CDC42BPA: variants seen among roughly 807,000 people sequenced by gnomAD.
The protein encoded by CDC42BPA is CDC42 binding protein kinase alpha, also known as serine/threonine-protein kinase MRCK alpha.
A neutral mutation model predicts 223.5 loss-of-function variants in CDC42BPA; 80 were observed. The observed-to-expected ratio is 0.36, with a 90% confidence interval of 0.30 to 0.43. The LOEUF (loss-of-function observed/expected upper bound fraction) is 0.43, where lower values mean the gene tolerates loss of function less well. Among genes scored for constraint, CDC42BPA ranks in the 20% least tolerant of loss-of-function variants. CDC42BPA has a pLI of 1.00. For synonymous variants in CDC42BPA, 694 were observed against 718.6 expected (o/e 0.97, Z 0.55); for missense variants, 1,743 against 2,099.9 (o/e 0.83, Z 3.32).
At chr1:227,122,380 CA>C (rs1189538494) in intron 11 of CDC42BPA, among the ~76,000 whole-genome samples, 2 of 152,046 alleles carry the variant, frequency 1.3e-5, no homozygotes, top group African/African-American at 2.4e-5. Context: ...CTCTGAGAAA[CA>C]AAAAATTCAG....
chr1:227,102,010 T>C (rs1177485194), intron 14 of CDC42BPA, among the ~76,000 whole-genome samples: 1 of 152,186 alleles, frequency 6.6e-6, no homozygotes, highest in Non-Finnish European at 1.5e-5. Flanking sequence ...CCAAAGGTCA[T>C]TAATTTGTTA....
chr1:227,118,003 C>T (rs902892687), intron 12 of CDC42BPA, among the ~76,000 whole-genome samples: 1 of 152,010 alleles, frequency 6.6e-6, no homozygotes, highest in Non-Finnish European at 1.5e-5. Context: ...CGACAATAGA[C>T]CCATGTGAAG....
intron 15 of CDC42BPA, among the ~76,000 whole-genome samples, chr1:227,096,946 G>A (rs1684113988): frequency 6.6e-6 from 1 of 151,984 alleles, no homozygotes; most frequent in African/African-American, 2.4e-5. Flanking sequence ...AACTCAACAA[G>A]AGAGCTCAAC....
chr1:227,138,378 A>G (rs1659031654), intron 10 of CDC42BPA, among the ~76,000 whole-genome samples: 1 of 152,004 alleles, frequency 6.6e-6, no homozygotes, highest in Admixed American at 6.6e-5. Context: ...CCTTCACTGA[A>G]GGCCTCATTC....
chr1:227,180,009 C>A (rs977279204), intron 5 of CDC42BPA, among the ~76,000 whole-genome samples: 7 of 152,078 alleles, frequency 4.6e-5, no homozygotes, highest in Non-Finnish European at 7.4e-5. Context: ...GAGTTCAAGA[C>A]CAGCCTGGCC....
intron 3 of CDC42BPA, among the ~76,000 whole-genome samples, chr1:227,200,153 G>A (rs4338327): frequency 0.67 from 102,167 of 151,986 alleles, 34,645 homozygotes; most frequent in South Asian, 0.74. Flanking sequence ...TTCATGGGCC[G>A]GGCGCAGTGG....
intron 21 of CDC42BPA, among the ~76,000 whole-genome samples, chr1:227,056,396 T>TC (rs1366290418): frequency 2.6e-5 from 4 of 151,720 alleles, no homozygotes; most frequent in Non-Finnish European, 5.9e-5. Context: ...TCTTTTCTTT[T>TC]TTTTTTTTGA....
At chr1:227,264,959 T>C (rs1297467171) in intron 1 of CDC42BPA, 3 of 1,000,466 alleles carry the variant, frequency 3.0e-6, no homozygotes, top group Non-Finnish European at 4.8e-6. Context: ...TTCCTCTTCT[T>C]GTATAACCTC....
intron 5 of CDC42BPA, among the ~76,000 whole-genome samples, chr1:227,168,352 A>G (rs1272066943): frequency 6.6e-6 from 1 of 152,064 alleles, no homozygotes; most frequent in Non-Finnish European, 1.5e-5. Flanking sequence ...ATGAGAATTC[A>G]TCTCTTAATG....
In CDC42BPA at chr1:227,318,105, C is replaced by G. The variant is rs977758974; in HGVS notation, c.-923G>C. On this transcript the variant is annotated 5_prime_UTR_variant, in exon 1 of 37. Coordinates refer to ENST00000366766, the MANE Select transcript of CDC42BPA (RefSeq NM_001394014.1). ...GCGCCGGGCAGAGAGCCCGGTCTCC[C>G]CGACACCCGCACCGGGCCGCCGCGC... 1 of 90,924 alleles carries G rather than the reference C, an allele frequency of 1.1e-5. No individual in the cohort carries two copies. Among genetic ancestry groups the G allele is most frequent in the Non-Finnish European group, 1.7e-5 (1 of 58,788 alleles). The allele number at this position is 90,924 out of a possible 1,614,324, so 5.6% of individuals were successfully genotyped here.
chr1:227,169,754 A>G (rs975899421), intron 5 of CDC42BPA, among the ~76,000 whole-genome samples: 1 of 152,048 alleles, frequency 6.6e-6, no homozygotes, highest in Non-Finnish European at 1.5e-5. Flanking sequence ...TGTATTCCCA[A>G]TCAGGTTCTC....
At chr1:227,086,723 G>A (rs1455994062) in intron 16 of CDC42BPA, among the ~76,000 whole-genome samples, 2 of 149,732 alleles carry the variant, frequency 1.3e-5, no homozygotes, top group Non-Finnish European at 3.0e-5. Flanking sequence ...ACTCTGGGTA[G>A]TGGTGTCATC....
chr1:227,136,204 G>A (rs1658539119), intron 10 of CDC42BPA, among the ~76,000 whole-genome samples: 1 of 152,108 alleles, frequency 6.6e-6, no homozygotes, highest in Admixed American at 6.5e-5. Flanking sequence ...GAAACTGAGA[G>A]AATCAAATGA....
At chr1:227,213,929 C>T (rs190819852) in intron 2 of CDC42BPA, among the ~76,000 whole-genome samples, 1 of 152,238 alleles carries the variant, frequency 6.6e-6, no homozygotes, top group Non-Finnish European at 1.5e-5. Context: ...CCCTTTCTCA[C>T]TCTCAACAAA....
chr1:227,160,889 C>T (rs1050354513), intron 5 of CDC42BPA, among the ~76,000 whole-genome samples: 7 of 152,164 alleles, frequency 4.6e-5, no homozygotes, highest in African/African-American at 7.2e-5. Flanking sequence ...ATTAATCTTA[C>T]TATCTTTCCT....
In CDC42BPA at chr1:227,095,990, C is replaced by T. The variant is rs367579187; in HGVS notation, c.2250-3999G>A. ...TAGGATGTTAGCAATAAATGAAATTCCATGTGGATCAGTTCTGGGTAATTT... is the reference window on the plus strand; with the variant it reads ...TAGGATGTTAGCAATAAATGAAATTTCATGTGGATCAGTTCTGGGTAATTT... On this transcript the variant is annotated intron_variant, in intron 15 of 36. Coordinates refer to ENST00000366766, the MANE Select transcript of CDC42BPA (RefSeq NM_001394014.1). Among the ~76,000 whole-genome samples the T allele has an allele frequency of 5.9e-5, 9 of 152,188 alleles. No individual in the cohort carries two copies. The South Asian group carries it at 1.2e-3, about 21-fold the overall frequency.
chr1:227,191,688 T>G (rs1207285122), intron 5 of CDC42BPA, among the ~76,000 whole-genome samples: 1 of 79,346 alleles, frequency 1.3e-5, no homozygotes, highest in Non-Finnish European at 3.0e-5. Context: ...TCTTCAAATA[T>G]TCAACGAAAT....
At chr1:227,208,161 C>T (rs1673160140) in intron 3 of CDC42BPA, among the ~76,000 whole-genome samples, 1 of 147,536 alleles carries the variant, frequency 6.8e-6, no homozygotes, top group East Asian at 2.0e-4. Flanking sequence ...GCATAAATGT[C>T]TTCTTTTGAG....
intron 2 of CDC42BPA, among the ~76,000 whole-genome samples, chr1:227,217,678 T>C (rs1254290444): frequency 6.6e-6 from 1 of 152,100 alleles, no homozygotes; most frequent in Non-Finnish European, 1.5e-5. Context: ...AGGGCCAACA[T>C]GTTCTGGCCC....
Sources: allele counts gnomAD v4.1 joint callset (sites outside exome capture counted in the v4.1 genomes callset), GRCh38; gene constraint gnomAD v4.1.1; transcripts MANE v1.5; gene names NCBI Gene and HGNC (gene_info 2026-07-23, HGNC 2026-07-21).